PLCL1: variants seen among roughly 807,000 people sequenced by gnomAD.
The protein encoded by PLCL1 is phospholipase C like 1 (inactive).
Under a neutral mutation model 84.4 loss-of-function variants are expected in PLCL1, and 41 were observed. That is an observed-to-expected ratio of 0.49 (90% CI 0.38 to 0.63). PLCL1 has a LOEUF of 0.63. PLCL1 is among the 30% of genes least tolerant of loss of function. The probability of loss-of-function intolerance (pLI) is 0.00; values close to 1 mark genes in which losing one functional copy is unlikely to be tolerated. For synonymous variants in PLCL1, 490 were observed against 488.3 expected, an observed-to-expected ratio of 1.00 and a Z score of -0.05; for missense variants, 1,206 against 1,367.8, an observed-to-expected ratio of 0.88 and a Z score of 1.87.
intron 1 of PLCL1, among the ~76,000 whole-genome samples, chr2:197,826,636 T>A (rs1690934494): frequency 6.6e-6 from 1 of 152,182 alleles, no homozygotes; most frequent in South Asian, 2.1e-4. Flanking sequence ...ATTCATCTGT[T>A]CATTGATGCT....
chr2:198,068,829 C>G (rs1349028175), intron 1 of PLCL1, among the ~76,000 whole-genome samples: 1 of 151,876 alleles, frequency 6.6e-6, no homozygotes, highest in Non-Finnish European at 1.5e-5. Flanking sequence ...CAAGACCAGC[C>G]TGAACAACAT....
chr2:197,863,955 CAT>C (rs1193249593), intron 1 of PLCL1, among the ~76,000 whole-genome samples: 2 of 152,168 alleles, frequency 1.3e-5, no homozygotes, highest in Non-Finnish European at 2.9e-5. Context: ...CTTAAACACT[CAT>C]AGACATGACA....
intron 5 of PLCL1, among the ~76,000 whole-genome samples, chr2:198,113,473 T>C (rs1263430609): frequency 6.6e-6 from 1 of 151,850 alleles, no homozygotes; most frequent in African/African-American, 2.4e-5. Context: ...AACAAGCACA[T>C]GATGTGTGTT....
intron 3 of PLCL1, among the ~76,000 whole-genome samples, chr2:198,097,391 T>G (rs1693227080): frequency 6.6e-6 from 1 of 152,134 alleles, no homozygotes; most frequent in South Asian, 2.1e-4. Flanking sequence ...TTTGTGGAAT[T>G]TTGTCCATGC....
rs1288667570 is a variant in PLCL1 at position 197,998,216 on chromosome 2, T to TGTGTGA, written c.241-85541_241-85540insTGTGAG. ...GTGTGTGTGTGTGTGTGTGTGTGTG[T>TGTGTGA]GATATGAGATTGCTTGTGCGCCTGT... is the stretch of plus-strand genomic sequence containing the variant. On this transcript the variant is annotated intron_variant, in intron 1 of 5. Transcript: ENST00000428675. Among the ~76,000 whole-genome samples, 823 of 149,150 alleles carry TGTGTGA rather than the reference T, an allele frequency of 5.5e-3. 13 individuals carry two copies. Among genetic ancestry groups the TGTGTGA allele is most frequent in the African/African-American group, 0.02 (779 of 39,892 alleles).
chr2:198,132,458 G>T (rs182086050), intron 5 of PLCL1, among the ~76,000 whole-genome samples: 9 of 151,572 alleles, frequency 5.9e-5, no homozygotes, highest in East Asian at 1.9e-4. Flanking sequence ...TGTTTTTTTG[G>T]GGGGGGGAGT....
At chr2:198,069,504 A>T (rs1294113993) in intron 1 of PLCL1, among the ~76,000 whole-genome samples, 1 of 152,126 alleles carries the variant, frequency 6.6e-6, no homozygotes, top group Admixed American at 6.5e-5. Flanking sequence ...AAAAATATGC[A>T]CTAGAATTGA....
intron 3 of PLCL1, 59 bp from the exon 4 acceptor site, chr2:198,101,226 C>A: frequency 1.0e-6 from 1 of 992,942 alleles, no homozygotes; most frequent in Non-Finnish European, 1.6e-6. Context: ...ATGTCGTCTT[C>A]CCAATGAGCC....
At chr2:197,815,001 A>G (rs1690659881) in intron 1 of PLCL1, among the ~76,000 whole-genome samples, 1 of 152,182 alleles carries the variant, frequency 6.6e-6, no homozygotes, top group African/African-American at 2.4e-5. Flanking sequence ...TGCAAGGTGA[A>G]GCAGCAAGTG....
chr2:197,964,081 G>GGT (rs1202498939), intron 1 of PLCL1, among the ~76,000 whole-genome samples: 1 of 151,980 alleles, frequency 6.6e-6, no homozygotes, highest in East Asian at 1.9e-4. Context: ...CTTTGGCTAT[G>GGT]GTGTGTCTTT....
At chr2:197,935,852 A>G (rs1370957748) in intron 1 of PLCL1, among the ~76,000 whole-genome samples, 1 of 152,088 alleles carries the variant, frequency 6.6e-6, no homozygotes, top group Non-Finnish European at 1.5e-5. Context: ...AGATCTCCCA[A>G]ACTTATTTAT....
chr2:198,023,662 G>T (rs1209869342), intron 1 of PLCL1, among the ~76,000 whole-genome samples: 1 of 152,190 alleles, frequency 6.6e-6, no homozygotes, highest in African/African-American at 2.4e-5. Flanking sequence ...ATCATCACTG[G>T]TCGTTAGAGA....
chr2:197,971,055 A>C (rs1226611233), intron 1 of PLCL1, among the ~76,000 whole-genome samples: 3 of 152,246 alleles, frequency 2.0e-5, no homozygotes, highest in African/African-American at 7.2e-5. Context: ...ATTTTTTAGC[A>C]AGGTCACTCC....
intron 1 of PLCL1, among the ~76,000 whole-genome samples, chr2:197,943,058 T>G (rs1689192063): frequency 6.6e-6 from 1 of 151,652 alleles, no homozygotes; most frequent in Non-Finnish European, 1.5e-5. Flanking sequence ...AAACAAAAAA[T>G]TAGCCAAGTG....
chr2:198,116,049 G>A (rs946671586), intron 5 of PLCL1, among the ~76,000 whole-genome samples: 3 of 148,932 alleles, frequency 2.0e-5, no homozygotes, highest in Non-Finnish European at 4.5e-5. Flanking sequence ...TGTTATGTGT[G>A]TATATATGTA....
At chr2:198,019,538 A>G (rs1179369605) in intron 1 of PLCL1, among the ~76,000 whole-genome samples, 1 of 152,216 alleles carries the variant, frequency 6.6e-6, no homozygotes, top group Non-Finnish European at 1.5e-5. Flanking sequence ...AGAGAAGAAC[A>G]TAAACGACCT....
chr2:198,148,392 G>T lies in PLCL1; in HGVS notation c.*1430G>T, dbSNP rs1407930159. The T allele has an allele frequency of 6.6e-6, 1 of 152,132 alleles. No homozygotes were observed. Among genetic ancestry groups the T allele is most frequent in the Admixed American group, 6.6e-5 (1 of 15,262 alleles). 9.4% of individuals were successfully genotyped at this position (152,132 alleles called of 1,614,324 possible). A position where few individuals can be genotyped will look rare whatever the true frequency, so the allele number is the denominator to read the frequency against. On this transcript the variant is annotated 3_prime_UTR_variant, in exon 6 of 6. Coordinates refer to ENST00000428675, the MANE Select transcript of PLCL1 (RefSeq NM_006226.4). ...TGTTGCACATTACTGAAAGAGTAAA[G>T]ATATGAAAAAAACACTTATTGTTTT...
In PLCL1 at chr2:198,088,973, C is replaced by T. The variant is rs777337128; in HGVS notation, c.2831C>T (p.Ser944Leu). Residue 944 changes from serine to leucine, a missense_variant, in exon 3 of 6, where the codon TCA (serine) becomes TTA (leucine). Transcript: ENST00000428675. ...ACCAGTGACAATACTCCTTCAGTCT[C>T]ACTTGTGATGAAAGACAGCTTTCCT... Reference protein sequence around the residue: ...LITSDNTPSVSLVMKDSFPYL... With the variant: ...LITSDNTPSVLLVMKDSFPYL... 3 of 1,613,558 alleles carry T rather than the reference C, an allele frequency of 1.9e-6. No homozygotes were observed.
In PLCL1 at chr2:198,033,103, G is replaced by A. The variant is rs1313990226; in HGVS notation, c.241-50655G>A. On this transcript the variant is annotated intron_variant, in intron 1 of 5. Transcript: ENST00000428675. ...TTTTATTGTAGAACAGGTAAAATGT[G>A]ATTCTTATAAATGGGAACAAAAGAA... is the stretch of plus-strand genomic sequence containing the variant. 2.0e-5 allele frequency among the ~76,000 whole-genome samples: 3 copies of A among 152,274 alleles called. No homozygotes were observed. The South Asian group carries it at 6.2e-4, about 32-fold the overall frequency.
Sources: allele counts gnomAD v4.1 joint callset (sites outside exome capture counted in the v4.1 genomes callset), GRCh38; gene constraint gnomAD v4.1.1; transcripts MANE v1.5; gene names NCBI Gene and HGNC (gene_info 2026-07-23, HGNC 2026-07-21).